Variants in FMN1 observed in about 807,000 individuals in gnomAD.
The protein encoded by FMN1 is formin 1.
A neutral mutation model predicts 132.4 loss-of-function variants in FMN1; 110 were observed. The observed-to-expected ratio is 0.83, with a 90% CI of 0.71 to 0.97. The LOEUF is 0.97. Among genes scored for constraint, FMN1 ranks in the 50% least tolerant of loss-of-function variants. FMN1 has a pLI of 0.00. For synonymous variants in FMN1, 722 were observed against 651.7 expected (o/e 1.11, Z -1.64); for missense variants, 1,792 against 1,705.3 (o/e 1.05, Z -0.90).
At chr15:33,043,014 A>G (rs145783566) in intron 6 of FMN1, among the ~76,000 whole-genome samples, 24 of 152,268 alleles carry the variant, frequency 1.6e-4, no homozygotes, top group African/African-American at 5.5e-4. Flanking sequence ...AAATACAGAC[A>G]GTCCCTGACT....
At chr15:33,136,426 C>T (rs1963768696) in intron 4 of FMN1, among the ~76,000 whole-genome samples, 1 of 152,188 alleles carries the variant, frequency 6.6e-6, no homozygotes, top group African/African-American at 2.4e-5. Flanking sequence ...AACACAGAGA[C>T]AGACGTGTTT....
At chr15:32,917,141 G>C (rs2060703875) in intron 10 of FMN1, among the ~76,000 whole-genome samples, 1 of 152,200 alleles carries the variant, frequency 6.6e-6, no homozygotes, top group Non-Finnish European at 1.5e-5. Context: ...ACTGCAAGAA[G>C]TGGAAAGAAG....
At chr15:32,785,437 G>A (rs2056844441) in intron 19 of FMN1, among the ~76,000 whole-genome samples, 1 of 151,430 alleles carries the variant, frequency 6.6e-6, no homozygotes, top group East Asian at 1.9e-4. Context: ...CTCAAATCAT[G>A]GTTCAGGTTT....
chr15:32,863,405 G>C (rs2059320581), intron 16 of FMN1, among the ~76,000 whole-genome samples: 1 of 152,150 alleles, frequency 6.6e-6, no homozygotes, highest in African/African-American at 2.4e-5. Flanking sequence ...CTGCACTCCA[G>C]CCTGGGCGAC....
intron 15 of FMN1, among the ~76,000 whole-genome samples, chr15:32,889,461 T>C (rs541235344): frequency 6.6e-6 from 1 of 152,304 alleles, no homozygotes; most frequent in East Asian, 1.9e-4. Flanking sequence ...CTAAAACTGC[T>C]TTACAAGGCA....
At chr15:33,108,969 A>G (rs1279042189) in intron 4 of FMN1, among the ~76,000 whole-genome samples, 2 of 151,032 alleles carry the variant, frequency 1.3e-5, no homozygotes, top group African/African-American at 4.8e-5. Context: ...CAGGACAGAG[A>G]AGGAGTTATC....
intron 7 of FMN1, among the ~76,000 whole-genome samples, chr15:33,001,443 G>A (rs892382109): frequency 1.8e-4 from 27 of 152,240 alleles, no homozygotes; most frequent in Admixed American, 3.9e-4. Context: ...CAAATCTCCA[G>A]CGGGAGGGTG....
intron 6 of FMN1, among the ~76,000 whole-genome samples, chr15:33,016,914 T>A (rs2035082400): frequency 6.6e-6 from 1 of 152,182 alleles, no homozygotes. Flanking sequence ...TTTTCTACAC[T>A]TTCTCTTGCA....
At chr15:33,013,740 T>C (rs906553303) in intron 6 of FMN1, among the ~76,000 whole-genome samples, 2 of 152,220 alleles carry the variant, frequency 1.3e-5, no homozygotes, top group Non-Finnish European at 2.9e-5. Context: ...TGTTGAGTCC[T>C]AACCCATGTC....
rs892375104 is a variant in FMN1, at chr15:32,770,153, T to C, written c.*4157A>G. On this transcript the variant is annotated 3_prime_UTR_variant, in exon 21 of 21. Coordinates refer to ENST00000616417, the MANE Select transcript of FMN1 (RefSeq NM_001277313.2). ...GTGGATGGAGATGAGTACTACAAAA[T>C]TGACCAATTTAGTATGTCAGGGAAT... The C allele has an allele frequency of 9.2e-5, 14 of 152,266 alleles. No homozygotes were observed. The Middle Eastern group carries it at 0.01, about 111-fold the overall frequency. 9.4% of individuals were successfully genotyped at this position (152,266 alleles called of 1,614,324 possible).
chr15:33,088,203 T>A (rs558571231), intron 5 of FMN1, among the ~76,000 whole-genome samples: 1 of 151,958 alleles, frequency 6.6e-6, no homozygotes, highest in Admixed American at 6.5e-5. Context: ...CAAAAACCTA[T>A]TGAAATTAAA....
chr15:33,095,779 T>A (rs1267055757), intron 4 of FMN1, among the ~76,000 whole-genome samples: 1 of 152,134 alleles, frequency 6.6e-6, no homozygotes, highest in Non-Finnish European at 1.5e-5. Flanking sequence ...TTCCAATTAT[T>A]ATGAGGATGG....
At chr15:32,792,731 C>A (rs1456271337) in intron 19 of FMN1, among the ~76,000 whole-genome samples, 3 of 152,104 alleles carry the variant, frequency 2.0e-5, no homozygotes, top group African/African-American at 7.2e-5. Flanking sequence ...CCAGCTCATG[C>A]TATTTAATAT....
intron 4 of FMN1, among the ~76,000 whole-genome samples, chr15:33,143,869 A>T (rs905770467): frequency 2.6e-5 from 4 of 152,268 alleles, no homozygotes; most frequent in African/African-American, 9.6e-5. Context: ...GCTTGATAAG[A>T]GCTAAAGATT....
At chr15:32,813,410 A>G (rs1406579649) in intron 17 of FMN1, among the ~76,000 whole-genome samples, 1 of 152,236 alleles carries the variant, frequency 6.6e-6, no homozygotes, top group Non-Finnish European at 1.5e-5. Flanking sequence ...CTTTTTCAGA[A>G]GTAAACTCAC....
intron 4 of FMN1, among the ~76,000 whole-genome samples, chr15:33,122,402 G>A (rs2140180078): frequency 6.6e-6 from 1 of 152,244 alleles, no homozygotes; most frequent in South Asian, 2.1e-4. Flanking sequence ...TGCCTGGTGG[G>A]AAAGTAAGGT....
At chr15:33,092,165 A>G (rs1194038437) in intron 4 of FMN1, among the ~76,000 whole-genome samples, 1 of 152,194 alleles carries the variant, frequency 6.6e-6, no homozygotes. Context: ...GTGCTTTTCA[A>G]AGCCATTCAC....
At chr15:32,937,809 AG>A (rs1475562957) in intron 9 of FMN1, among the ~76,000 whole-genome samples, 3 of 152,272 alleles carry the variant, frequency 2.0e-5, no homozygotes, top group Admixed American at 2.0e-4. Flanking sequence ...TTAGAAATGA[AG>A]GAAGAGTAAC....
intron 10 of FMN1, among the ~76,000 whole-genome samples, chr15:32,925,691 T>C (rs1054553345): frequency 6.6e-6 from 1 of 152,178 alleles, no homozygotes; most frequent in African/African-American, 2.4e-5. Flanking sequence ...TAGAACCACT[T>C]ATGTGATGAT....
Sources: gnomAD v4.1 joint callset for allele counts (sites outside exome capture counted in the v4.1 genomes callset) on GRCh38, gnomAD v4.1.1 for gene constraint, MANE v1.5 for transcripts, NCBI Gene and HGNC (gene_info 2026-07-23, HGNC 2026-07-21) for gene names.